Variants in NEDD8 observed in about 807,000 individuals in gnomAD.
NEDD8 encodes the protein ubiquitin-like protein NEDD8.
NEDD8 carries 1 observed loss-of-function variant against 13.8 expected under a neutral mutation model. The observed-to-expected ratio is 0.07, with a 90% CI of 0.03 to 0.34. NEDD8 has a LOEUF of 0.34. NEDD8 is among the 10% of genes least tolerant of loss of function. NEDD8 has a pLI of 0.99. For synonymous variants in NEDD8, 31 were observed against 33.2 expected, an observed-to-expected ratio of 0.93 and a Z score of 0.23; for missense variants, 10 against 95.2, an observed-to-expected ratio of 0.10 and a Z score of 3.73.
chr14:24,222,559 T>A (rs2138890163), intron 1 of NEDD8, among the ~76,000 whole-genome samples: 1 of 152,272 alleles, frequency 6.6e-6, no homozygotes, highest in South Asian at 2.1e-4. Context: ...ATGTCCTTGA[T>A]AAGGGTAAGA....
intron 1 of NEDD8, chr14:24,227,940 C>T (rs1272566977): frequency 6.6e-6 from 1 of 151,652 alleles, no homozygotes; most frequent in Non-Finnish European, 1.5e-5. Context: ...ACTAAAAATA[C>T]AGAAAATCAG....
At position 24,232,062 on chromosome 14, in the gene NEDD8, G is replaced by A. The variant is rs1371379772; in HGVS notation, c.18+188C>T. On this transcript the variant is annotated intron_variant, in intron 1 of 3. Coordinates refer to ENST00000250495, the MANE Select transcript of NEDD8 (RefSeq NM_006156.3). ...CAAAATACCCCAGGGTCGTCAGGTG[G>A]GACCTGGGCCCCGCTCTCAAAGCCC... The A allele has an allele frequency of 1.4e-4, 114 of 823,654 alleles. 1 individual carries two copies. The highest frequency in any genetic ancestry group is 3.9e-5 in the Non-Finnish European group (21 of 542,876). 51.0% of individuals were successfully genotyped at this position (823,654 alleles called of 1,614,324 possible).
At chr14:24,224,361 G>A (rs1655790599) in intron 1 of NEDD8, among the ~76,000 whole-genome samples, 1 of 152,172 alleles carries the variant, frequency 6.6e-6, no homozygotes, top group South Asian at 2.1e-4. Context: ...ACCATGCCCG[G>A]CCTGAAAATT....
chr14:24,229,475 C>T (rs1452701378), intron 1 of NEDD8, among the ~76,000 whole-genome samples: 1 of 152,184 alleles, frequency 6.6e-6, no homozygotes, highest in African/African-American at 2.4e-5. Context: ...GCCTTGGCCT[C>T]CCAAAGTGCT....
intron 1 of NEDD8, among the ~76,000 whole-genome samples, chr14:24,221,975 TA>T (rs1359071214): frequency 1.3e-5 from 2 of 152,220 alleles, no homozygotes; most frequent in African/African-American, 2.4e-5. Flanking sequence ...TTGGACCTTA[TA>T]TTTTTAAAAA....
rs2138876555 is a variant in NEDD8, at chr14:24,216,955, G to C, written c.*172C>G. 6 of 601,690 alleles carry C rather than the reference G, an allele frequency of 1.0e-5. No homozygotes were observed. In the East Asian group the frequency reaches 1.7e-4, roughly 17 times the overall value. The allele number at this position is 601,690 out of a possible 1,614,324, so 37.3% of individuals were successfully genotyped here. On this transcript the variant is annotated 3_prime_UTR_variant, in exon 4 of 4. Coordinates refer to ENST00000250495, the MANE Select transcript of NEDD8 (RefSeq NM_006156.3). ...AAACTAACACCCAGTAGCCAGCAAGGGCCCTCTGGGCCAGGAATACTGAAT... is the reference window on the plus strand; with the variant it reads ...AAACTAACACCCAGTAGCCAGCAAGCGCCCTCTGGGCCAGGAATACTGAAT...
At chr14:24,229,439 T>C (rs1352292926) in intron 1 of NEDD8, among the ~76,000 whole-genome samples, 8 of 152,056 alleles carry the variant, frequency 5.3e-5, no homozygotes. Flanking sequence ...AGGCTGGTCT[T>C]GAACTCCTGA....
intron 1 of NEDD8, among the ~76,000 whole-genome samples, chr14:24,224,742 G>T (rs934469452): frequency 2.0e-5 from 3 of 152,160 alleles, no homozygotes; most frequent in African/African-American, 7.2e-5. Context: ...CAATCTGATG[G>T]AAGTACATAC....
chr14:24,230,937 T>C (rs1343853218), intron 1 of NEDD8, among the ~76,000 whole-genome samples: 1 of 149,832 alleles, frequency 6.7e-6, no homozygotes, highest in Non-Finnish European at 1.5e-5. Flanking sequence ...AGGCAGGGTC[T>C]GGAGTGCAGT....
At position 24,222,609 on chromosome 14, in the gene NEDD8, G is replaced by T. The variant is rs1182715975; in HGVS notation, c.19-4178C>A. Among the ~76,000 whole-genome samples the T allele has an allele frequency of 4.6e-5, 7 of 152,128 alleles. No individual in the cohort carries two copies. The East Asian group carries it at 1.3e-3, about 29-fold the overall frequency. On this transcript the variant is annotated intron_variant, in intron 1 of 3. Transcript: ENST00000250495. Reference sequence around the variant, plus strand: ...ACTGCCTTGTAGAAATATAATACAAGCCATACATGCAATTTTTAAATTTAC... The same window carrying T: ...ACTGCCTTGTAGAAATATAATACAATCCATACATGCAATTTTTAAATTTAC...
chr14:24,224,116 A>G (rs1366770554), intron 1 of NEDD8, among the ~76,000 whole-genome samples: 1 of 152,124 alleles, frequency 6.6e-6, no homozygotes, highest in Non-Finnish European at 1.5e-5. Flanking sequence ...TTTTTAGTAG[A>G]GACGGGTTTT....
intron 1 of NEDD8, among the ~76,000 whole-genome samples, chr14:24,230,798 A>G (rs2039987740): frequency 6.6e-6 from 1 of 151,908 alleles, no homozygotes; most frequent in Admixed American, 6.6e-5. Context: ...TTGTATTGTT[A>G]GTAGAGGCGG....
intron 1 of NEDD8, among the ~76,000 whole-genome samples, chr14:24,224,773 C>A (rs1566667431): frequency 1.3e-5 from 2 of 152,170 alleles, no homozygotes; most frequent in Non-Finnish European, 2.9e-5. Flanking sequence ...CCTATGAATT[C>A]TTCTCACATA....
At chr14:24,223,739 AT>A (rs558821572) in intron 1 of NEDD8, among the ~76,000 whole-genome samples, 5,437 of 139,756 alleles carry the variant, frequency 0.039, 295 homozygotes, top group African/African-American at 0.12. Context: ...AAAAAAAAAA[AT>A]TTTTTTTTTT....
intron 1 of NEDD8, among the ~76,000 whole-genome samples, chr14:24,230,427 C>T (rs1285535120): frequency 5.0e-5 from 7 of 140,366 alleles, no homozygotes; most frequent in African/African-American, 1.1e-4. Context: ...CCCAGCTACT[C>T]GGGAGGCTGA....
chr14:24,225,890 A>C (rs2039882647), intron 1 of NEDD8, among the ~76,000 whole-genome samples: 1 of 152,014 alleles, frequency 6.6e-6, no homozygotes, highest in Admixed American at 6.6e-5. Context: ...AATACAAAAA[A>C]ATTAGCTGGG....
intron 1 of NEDD8, among the ~76,000 whole-genome samples, chr14:24,224,209 G>A (rs964434117): frequency 1.3e-5 from 2 of 151,816 alleles, no homozygotes; most frequent in African/African-American, 4.8e-5. Flanking sequence ...GATTACAGGC[G>A]TGAGCCACCG....
intron 1 of NEDD8, among the ~76,000 whole-genome samples, chr14:24,231,398 A>C (rs900611236): frequency 6.6e-6 from 1 of 151,154 alleles, no homozygotes; most frequent in Non-Finnish European, 1.5e-5. Context: ...ATATGCTAAG[A>C]AGCTGATGAA....
At chr14:24,222,637 G>A (rs976355975) in intron 1 of NEDD8, among the ~76,000 whole-genome samples, 4 of 152,106 alleles carry the variant, frequency 2.6e-5, no homozygotes, top group African/African-American at 7.2e-5. Context: ...AAATTTACTA[G>A]TAGCCATATT....
Sources: allele counts gnomAD v4.1 joint callset (sites outside exome capture counted in the v4.1 genomes callset), GRCh38; gene constraint gnomAD v4.1.1; transcripts MANE v1.5; gene names NCBI Gene and HGNC (gene_info 2026-07-23, HGNC 2026-07-21).